The following APLP2 variants were observed in gnomAD, a reference collection of about 807,000 sequenced individuals.
APLP2 encodes CDEI box-binding protein.
A neutral mutation model predicts 89.9 loss-of-function variants in APLP2; 53 were observed. The ratio of observed to expected loss-of-function variants is 0.59; its 90% CI spans 0.47 to 0.74. APLP2 has a LOEUF of 0.74. Ranked by LOEUF, APLP2 falls within the 30% of genes least tolerant of loss-of-function variation. The pLI, the probability that APLP2 is intolerant of heterozygous loss-of-function variation, is 0.00. For synonymous variants in APLP2, 372 were observed against 348.6 expected (o/e 1.07, Z -0.75); for missense variants, 973 against 975.9 (o/e 1.00, Z 0.04).
At chr11:130,132,205 C>T (rs1249637437) in intron 11 of APLP2, among the ~76,000 whole-genome samples, 1 of 152,142 alleles carries the variant, frequency 6.6e-6, no homozygotes, top group East Asian at 1.9e-4. Flanking sequence ...GTGGGTGTTG[C>T]ATTTTGGCTT....
chr11:130,089,361 T>G (rs1944566273), intron 1 of APLP2, among the ~76,000 whole-genome samples: 1 of 152,106 alleles, frequency 6.6e-6, no homozygotes. Flanking sequence ...ACACTTTCCT[T>G]GGAGAAGAGT....
intron 7 of APLP2, among the ~76,000 whole-genome samples, chr11:130,125,110 G>T (rs1950222484): frequency 6.6e-6 from 1 of 152,220 alleles, no homozygotes; most frequent in Non-Finnish European, 1.5e-5. Context: ...AGGTTGAGAA[G>T]CATCAAGTTT....
intron 13 of APLP2, among the ~76,000 whole-genome samples, chr11:130,138,559 T>C (rs970120110): frequency 1.3e-5 from 2 of 150,484 alleles, no homozygotes; most frequent in Admixed American, 1.3e-4. Context: ...AAATCTATTA[T>C]AACAGTCTGG....
At chr11:130,118,254 T>C (rs1949431343) in intron 3 of APLP2, among the ~76,000 whole-genome samples, 1 of 152,214 alleles carries the variant, frequency 6.6e-6, no homozygotes, top group Non-Finnish European at 1.5e-5. Flanking sequence ...GAATAGTTCG[T>C]ATAAAACTAG....
chr11:130,135,997 T>TG (rs1241651161), intron 13 of APLP2, among the ~76,000 whole-genome samples: 1 of 152,122 alleles, frequency 6.6e-6, no homozygotes, highest in Non-Finnish European at 1.5e-5. Flanking sequence ...CTTCCTTACA[T>TG]GGGGGAGGCA....
chr11:130,125,123 T>G (rs1950224212), intron 7 of APLP2, among the ~76,000 whole-genome samples: 1 of 152,230 alleles, frequency 6.6e-6, no homozygotes, highest in Non-Finnish European at 1.5e-5. Context: ...TCAAGTTTAC[T>G]TCCAGTGGGA....
At chr11:130,124,020 G>C (rs1164957172) in intron 7 of APLP2, among the ~76,000 whole-genome samples, 1 of 152,194 alleles carries the variant, frequency 6.6e-6, no homozygotes, top group Non-Finnish European at 1.5e-5. Flanking sequence ...TGGTGATGGT[G>C]CGTACCCACC....
intron 13 of APLP2, chr11:130,138,691 T>A (rs1951951049): frequency 6.8e-6 from 1 of 147,706 alleles, no homozygotes; most frequent in Non-Finnish European, 1.5e-5. Flanking sequence ...GCTCAAGCAG[T>A]CCTCCTACCT....
chr11:130,125,811 G>A (rs2054247), intron 7 of APLP2, among the ~76,000 whole-genome samples: 38,005 of 152,174 alleles, frequency 0.25, 10,344 homozygotes, highest in African/African-American at 0.68. Flanking sequence ...AATTAGGCTA[G>A]TAAGTGTTAC....
At chr11:130,127,713 A>AGTT in intron 8 of APLP2, 53 bp from the exon 9 acceptor site, 2 of 1,430,500 alleles carry the variant, frequency 1.4e-6, no homozygotes, top group Admixed American at 3.4e-5. Flanking sequence ...CAAATGGAGG[A>AGTT]GTTGTTTCGG....
At position 130,126,381 on chromosome 11, in the gene APLP2, A is replaced by G. The variant is rs925827848; in HGVS notation, c.1091-319A>G. Among the ~76,000 whole-genome samples the G allele has an allele frequency of 1.3e-5, 2 of 152,226 alleles. 1 individual carries two copies. The highest frequency in any genetic ancestry group is 2.9e-5 in the Non-Finnish European group (2 of 68,044). On this transcript the variant is annotated intron_variant, in intron 7 of 16. Transcript: ENST00000338167. Reference sequence around the variant, plus strand: ...TAAGGTAGCTATTGTTTAGGTTTCCAGGGTTCGAGCACTGAAGGGAAGGTA... The same window carrying G: ...TAAGGTAGCTATTGTTTAGGTTTCCGGGGTTCGAGCACTGAAGGGAAGGTA...
chr11:130,133,545 T>TTGGGTCGA (rs1452711306), intron 11 of APLP2, 84 bp from the exon 12 acceptor site: 1 of 965,174 alleles, frequency 1.0e-6, no homozygotes, highest in Non-Finnish European at 1.7e-6. Flanking sequence ...TTTCCAGAAG[T>TTGGGTCGA]TGTGTCGATG....
At chr11:130,137,313 C>A in intron 13 of APLP2, 1 of 1,605,762 alleles carries the variant, frequency 6.2e-7, no homozygotes, top group Non-Finnish European at 8.5e-7. Context: ...CAAGATGTTC[C>A]CTTTAAGACC....
intron 3 of APLP2, among the ~76,000 whole-genome samples, chr11:130,112,466 C>CT (rs1457160268): frequency 5.3e-5 from 8 of 152,252 alleles, no homozygotes; most frequent in African/African-American, 1.9e-4. Context: ...GTTGTTGGGT[C>CT]TAAGGTGACA....
At chr11:130,117,811 G>A (rs1172431754) in intron 3 of APLP2, among the ~76,000 whole-genome samples, 9 of 152,250 alleles carry the variant, frequency 5.9e-5, no homozygotes, top group Middle Eastern at 3.4e-3. Flanking sequence ...AGTGGCTCAC[G>A]CCTGTAATCC....
intron 3 of APLP2, among the ~76,000 whole-genome samples, chr11:130,119,987 AT>A (rs1175401164): frequency 1.3e-5 from 2 of 152,166 alleles, no homozygotes; most frequent in Admixed American, 6.5e-5. Flanking sequence ...TGACAATGAT[AT>A]TTTTTAAGAG....
At position 130,123,578 on chromosome 11, in the gene APLP2, C is replaced by G. The variant is rs748860332; in HGVS notation, c.923-34C>G. The G allele has an allele frequency of 6.3e-7, 1 of 1,597,430 alleles. No individual in the cohort carries two copies. Among genetic ancestry groups the G allele is most frequent in the South Asian group, 1.1e-5 (1 of 89,262 alleles). ...TTTGAAGCATTTGACGTCACTGCCT[C>G]TGTCCTGCTGACACTCTGACCATTT... On this transcript the variant is annotated intron_variant, in intron 6 of 16. Transcript: ENST00000338167. This position sits in a 1 kb window ranked among gnomAD's most constrained non-coding sequence, Gnocchi z 4.0.
At chr11:130,093,134 C>T (rs1242022392) in intron 1 of APLP2, among the ~76,000 whole-genome samples, 5 of 152,130 alleles carry the variant, frequency 3.3e-5, no homozygotes, top group Non-Finnish European at 7.4e-5. Context: ...TAACCAGGCC[C>T]GGGGCAGAGA....
At position 130,077,653 on chromosome 11, in the gene APLP2, A is replaced by T. The variant is rs183736334; in HGVS notation, c.105+7571A>T. Among the ~76,000 whole-genome samples, 274 of 152,182 alleles carry T rather than the reference A, an allele frequency of 1.8e-3. 1 individual carries two copies. The highest frequency in any genetic ancestry group is 4.2e-3 in the African/African-American group (173 of 41,508). ...AAACCACTGGATACGGAAATATAAC[A>T]TTACCAATAAAAGCCTCATTTGAAC... On this transcript the variant is annotated intron_variant, in intron 1 of 16. Transcript: ENST00000338167.
Sources: allele counts gnomAD v4.1 joint callset (sites outside exome capture counted in the v4.1 genomes callset), GRCh38; gene constraint gnomAD v4.1.1; non-coding constraint Gnocchi (gnomAD v3.1); transcripts MANE v1.5; gene names NCBI Gene and HGNC (gene_info 2026-07-23, HGNC 2026-07-21).